The following RIPOR3 variants were observed in gnomAD, a reference collection of about 807,000 sequenced individuals.
RIPOR3 encodes the protein RIPOR family member 3, also known as family with sequence similarity 65 member C.
RIPOR3 carries 95 observed loss-of-function variants against 114.3 expected under a neutral mutation model. That is an observed-to-expected ratio of 0.83 (90% CI 0.70 to 0.99). The LOEUF is 0.99. Ranked by LOEUF, RIPOR3 falls within the 50% of genes least tolerant of loss-of-function variation. RIPOR3 has a pLI of 0.00. For missense variants in RIPOR3, 1,252 were observed against 1,266.9 expected (o/e 0.99, Z 0.18); for synonymous variants, 575 against 543.8 (o/e 1.06, Z -0.80).
chr20:50,623,899 C>T (rs1019804925), intron 2 of RIPOR3, among the ~76,000 whole-genome samples: 4 of 152,214 alleles, frequency 2.6e-5, no homozygotes, highest in African/African-American at 4.8e-5. Context: ...TGCAGTGGCA[C>T]GATCTCTGCT....
chr20:50,613,431 T>A (rs1019179797), intron 4 of RIPOR3, among the ~76,000 whole-genome samples: 3 of 151,648 alleles, frequency 2.0e-5, no homozygotes, highest in Non-Finnish European at 2.9e-5. Context: ...CCAGCCTGGG[T>A]GACAGAGCGA....
intron 16 of RIPOR3, 31 bp from the exon 17 acceptor site, chr20:50,594,745 T>C (rs1460298601): frequency 5.6e-6 from 9 of 1,593,966 alleles, no homozygotes; most frequent in Non-Finnish European, 7.7e-6. Flanking sequence ...ACCTGAATGG[T>C]GACTCGGGGA....
At chr20:50,673,409 C>T (rs944800737) in intron 1 of RIPOR3, among the ~76,000 whole-genome samples, 5 of 152,130 alleles carry the variant, frequency 3.3e-5, no homozygotes, top group Non-Finnish European at 7.4e-5. Flanking sequence ...GGTTCCTACA[C>T]CCTTGCCAGC....
At chr20:50,606,886 C>T (rs1406220109) in intron 11 of RIPOR3, among the ~76,000 whole-genome samples, 2 of 152,142 alleles carry the variant, frequency 1.3e-5, no homozygotes, top group African/African-American at 4.8e-5. Flanking sequence ...CGTGCCACCA[C>T]GCCTGGCTAA....
intron 12 of RIPOR3, among the ~76,000 whole-genome samples, chr20:50,603,099 G>A (rs974350946): frequency 5.9e-5 from 9 of 152,178 alleles, no homozygotes; most frequent in Non-Finnish European, 2.9e-5. Flanking sequence ...CCTTCCTGCT[G>A]TCTCCCACAG....
At position 50,594,576 on chromosome 20, in the gene RIPOR3, T is replaced by A. The variant is rs753488917; in HGVS notation, c.2189A>T (p.Lys730Met). The A allele has an allele frequency of 6.2e-7, 1 of 1,613,956 alleles. No individual in the cohort carries two copies. The highest frequency in any genetic ancestry group is 8.5e-7 in the Non-Finnish European group (1 of 1,180,000). The part of the protein sequence containing the change: ...KKTFQHRVRG[K>M]YPGQLEIACR... The stretch of plus-strand genomic sequence containing the variant: ...ACCTATTTCCAGCTGTCCTGGGTAC[T>A]TCCCTCTGACTCTGTGCTGGAAGGT... Residue 730 changes from lysine (K) to methionine (M), a missense_variant, in exon 17 of 22, where the codon AAG becomes ATG. Physicochemically the swap from Lys to Met is moderately conservative, Grantham distance 95. Coordinates refer to ENST00000327979, the MANE Select transcript of RIPOR3 (RefSeq NM_001290268.2).
At chr20:50,629,093 C>T (rs2084727847) in intron 2 of RIPOR3, among the ~76,000 whole-genome samples, 1 of 152,134 alleles carries the variant, frequency 6.6e-6, no homozygotes, top group African/African-American at 2.4e-5. Flanking sequence ...AGCGGGAGGA[C>T]ACACATGTGC....
chr20:50,589,935 C>T (rs879452076), intron 19 of RIPOR3, 166 bp from the exon 20 acceptor site: 34 of 623,288 alleles, frequency 5.5e-5, no homozygotes, highest in Admixed American at 9.5e-5. Flanking sequence ...TGTACACAGT[C>T]ACAAGATCTA....
chr20:50,668,427 C>A (rs2086333625), intron 1 of RIPOR3, among the ~76,000 whole-genome samples: 1 of 152,310 alleles, frequency 6.6e-6, no homozygotes, highest in South Asian at 2.1e-4. Flanking sequence ...GTCCCATGAA[C>A]AGGCAAAGCT....
chr20:50,593,271 G>A, intron 17 of RIPOR3, 75 bp from the exon 18 acceptor site: 1 of 1,529,354 alleles, frequency 6.5e-7, no homozygotes, highest in Non-Finnish European at 8.8e-7. Context: ...GAGTAGCCTG[G>A]TCAGCTAAAA....
Position 50,648,690 on chromosome 20 carries a change from TG to T in RIPOR3, c.4-17835del, listed in dbSNP as rs1236346181. Among the ~76,000 whole-genome samples the T allele has an allele frequency of 4.0e-5, 6 of 151,802 alleles. No homozygotes were observed. In the East Asian group the frequency reaches 9.6e-4, roughly 24 times the overall value. On this transcript the variant is annotated intron_variant, in intron 1 of 21. Coordinates refer to ENST00000327979, the MANE Select transcript of RIPOR3 (RefSeq NM_001290268.2). ...TTTCCTGCAACTAGATGGTCCCATC[TG>T]GGGGTGATGGAGACAGTGACAGATC...
At chr20:50,610,046 T>TGCCTCCCCTGCCTCCCCTGCCA in intron 6 of RIPOR3, among the ~76,000 whole-genome samples, 2 of 28,078 alleles carry the variant, frequency 7.1e-5, no homozygotes, top group African/African-American at 3.1e-4. Flanking sequence ...CACCCCTGCC[T>TGCCTCCCCTGCCTCCCCTGCCA]CCCCTGCCTC....
chr20:50,660,531 C>A (rs1324716999), intron 1 of RIPOR3, among the ~76,000 whole-genome samples: 2 of 152,214 alleles, frequency 1.3e-5, no homozygotes, highest in East Asian at 3.9e-4. Context: ...GAGAGGGTAG[C>A]ACTTCCAAGC....
chr20:50,657,665 C>T (rs1440429558), intron 1 of RIPOR3, among the ~76,000 whole-genome samples: 1 of 152,000 alleles, frequency 6.6e-6, no homozygotes, highest in African/African-American at 2.4e-5. Flanking sequence ...AAAATTTCAC[C>T]CAGTATTTTT....
chr20:50,655,998 CT>C (rs1016065834), intron 1 of RIPOR3, among the ~76,000 whole-genome samples: 6 of 150,858 alleles, frequency 4.0e-5, no homozygotes, highest in African/African-American at 1.2e-4. Context: ...GAATTGTTTC[CT>C]TTTTTTTTCT....
At chr20:50,649,923 T>A (rs1006290416) in intron 1 of RIPOR3, among the ~76,000 whole-genome samples, 2 of 152,156 alleles carry the variant, frequency 1.3e-5, no homozygotes, top group Admixed American at 1.3e-4. Context: ...AACTAGGCAG[T>A]CTCCTGTCTG....
chr20:50,647,274 C>T (rs1019248474), intron 1 of RIPOR3, among the ~76,000 whole-genome samples: 5 of 151,974 alleles, frequency 3.3e-5, no homozygotes, highest in African/African-American at 1.2e-4. Context: ...GAGCCAGGAT[C>T]GCATCACTGT....
In RIPOR3 at chr20:50,589,702, G is replaced by A. The variant is rs940968412; in HGVS notation, c.2645C>T (p.Ala882Val). The change falls in exon 20 of 22, where the codon GCG becomes GTG. Residue 882 changes from alanine to valine, a missense_variant. Ala to Val is a moderately conservative substitution (Grantham distance 64). Transcript: ENST00000327979. ...CAGGCTCACCTTGAGGTGTTTGAGC[G>A]CTAGGCATGCGGCCTGCTGGAGCCT... ...DARLQQAACLALKHLKGIESI... is the reference protein window; with the variant it reads ...DARLQQAACLVLKHLKGIESI... The A allele has an allele frequency of 4.3e-6, 7 of 1,613,774 alleles. No individual in the cohort carries two copies. Among genetic ancestry groups the A allele is most frequent in the East Asian group, 4.5e-5 (2 of 44,866 alleles).
At chr20:50,638,022 G>C (rs774489225) in intron 1 of RIPOR3, among the ~76,000 whole-genome samples, 1 of 151,816 alleles carries the variant, frequency 6.6e-6, no homozygotes, top group African/African-American at 2.4e-5. Context: ...CCAGCCTGCT[G>C]GTTTTTAAAG....
Sources: gnomAD v4.1 joint callset for allele counts (sites outside exome capture counted in the v4.1 genomes callset) on GRCh38, gnomAD v4.1.1 for gene constraint, MANE v1.5 for transcripts, NCBI Gene and HGNC (gene_info 2026-07-23, HGNC 2026-07-21) for gene names.